Variants in PTPRD observed in about 807,000 individuals in gnomAD.
The protein encoded by PTPRD is protein tyrosine phosphatase receptor type D, also known as receptor-type tyrosine-protein phosphatase delta.
A neutral mutation model predicts 214.5 loss-of-function variants in PTPRD; 34 were observed. The observed-to-expected ratio is 0.16, with a 90% CI of 0.12 to 0.21. PTPRD has a LOEUF of 0.21. Among genes scored for constraint, PTPRD ranks in the 10% least tolerant of loss-of-function variants. PTPRD has a pLI of 1.00. For missense variants in PTPRD, 2,545 were observed against 2,398.7 expected (o/e 1.06, Z -1.27); for synonymous variants, 1,128 against 845.7 (o/e 1.33, Z -5.79).
chr9:9,055,636 G>C (rs1365768701), intron 10 of PTPRD, among the ~76,000 whole-genome samples: 1 of 151,914 alleles, frequency 6.6e-6, no homozygotes, highest in Non-Finnish European at 1.5e-5. Flanking sequence ...AGTAAAAGTT[G>C]AGTATATATT....
intron 10 of PTPRD, among the ~76,000 whole-genome samples, chr9:9,098,638 G>T (rs1412518504): frequency 6.6e-6 from 1 of 152,132 alleles, no homozygotes; most frequent in African/African-American, 2.4e-5. Flanking sequence ...ACGATGAAAA[G>T]AATAATCATT....
intron 2 of PTPRD, among the ~76,000 whole-genome samples, chr9:10,555,690 A>G (rs2062403400): frequency 1.3e-5 from 2 of 152,202 alleles, no homozygotes; most frequent in South Asian, 4.1e-4. Flanking sequence ...ATATGCCCTG[A>G]AATTTGGAAT....
At chr9:10,403,997 C>T (rs1415515816) in intron 2 of PTPRD, among the ~76,000 whole-genome samples, 1 of 151,632 alleles carries the variant, frequency 6.6e-6, no homozygotes, top group Non-Finnish European at 1.5e-5. Flanking sequence ...AAACCATGGA[C>T]TTTGGGTGAT....
chr9:8,666,990 G>A (rs1323974149), intron 12 of PTPRD, among the ~76,000 whole-genome samples: 18 of 152,126 alleles, frequency 1.2e-4, no homozygotes, highest in Admixed American at 1.1e-3. Context: ...CTATAACAAT[G>A]TTATTTAATA....
chr9:9,059,789 A>G (rs1231179477), intron 10 of PTPRD, among the ~76,000 whole-genome samples: 2 of 152,106 alleles, frequency 1.3e-5, no homozygotes, highest in African/African-American at 4.8e-5. Flanking sequence ...ATATTAGAAA[A>G]TGAAATAGCA....
intron 3 of PTPRD, among the ~76,000 whole-genome samples, chr9:10,100,694 G>A (rs556865329): frequency 7.9e-5 from 12 of 151,530 alleles, no homozygotes; most frequent in Non-Finnish European, 1.3e-4. Flanking sequence ...GTTACAGATT[G>A]GGAAGTAAGA....
intron 11 of PTPRD, among the ~76,000 whole-genome samples, chr9:8,967,271 A>G (rs764878050): frequency 5.3e-5 from 8 of 152,174 alleles, no homozygotes; most frequent in Non-Finnish European, 1.0e-4. Context: ...CAGAATTGCT[A>G]TATGACTCAG....
chr9:9,832,673 G>C (rs1280923558), intron 5 of PTPRD, among the ~76,000 whole-genome samples: 1 of 151,922 alleles, frequency 6.6e-6, no homozygotes, highest in Admixed American at 6.6e-5. Flanking sequence ...TTTAAAAAGA[G>C]TTTTTAAAAT....
At chr9:10,560,414 G>T (rs959516016) in intron 2 of PTPRD, among the ~76,000 whole-genome samples, 4 of 151,944 alleles carry the variant, frequency 2.6e-5, no homozygotes, top group African/African-American at 9.7e-5. Context: ...GTTGTGGGGT[G>T]GGGGGAGTGG....
At chr9:9,760,599 TACAC>T (rs146209140) in intron 6 of PTPRD, among the ~76,000 whole-genome samples, 7,344 of 107,340 alleles carry the variant, frequency 0.068, 195 homozygotes, top group African/African-American at 0.079. Flanking sequence ...TCAGCTATCA[TACAC>T]ACACACACAC....
chr9:9,334,829 G>A (rs2043791497), intron 9 of PTPRD, among the ~76,000 whole-genome samples: 1 of 151,684 alleles, frequency 6.6e-6, no homozygotes, highest in African/African-American at 2.4e-5. Flanking sequence ...GATCTTCCAA[G>A]GTACCATTAA....
intron 11 of PTPRD, among the ~76,000 whole-genome samples, chr9:9,016,990 G>A (rs548773636): frequency 1.1e-4 from 16 of 152,118 alleles, no homozygotes; most frequent in Non-Finnish European, 2.1e-4. Context: ...CCCCCACAGA[G>A]CTCTACTCTA....
At chr9:9,253,110 G>GTCC (rs1466365151) in intron 9 of PTPRD, among the ~76,000 whole-genome samples, 30 of 152,174 alleles carry the variant, frequency 2.0e-4, no homozygotes, top group Non-Finnish European at 3.7e-4. Flanking sequence ...ATTCAAGAGT[G>GTCC]TCCAGCAGCA....
At chr9:10,043,860 T>C (rs754949101) in intron 3 of PTPRD, among the ~76,000 whole-genome samples, 3 of 151,858 alleles carry the variant, frequency 2.0e-5, no homozygotes, top group Non-Finnish European at 4.4e-5. Flanking sequence ...TTAGTGAGTA[T>C]ACAAAATGAC....
intron 3 of PTPRD, among the ~76,000 whole-genome samples, chr9:10,323,497 G>T (rs1246065350): frequency 6.6e-6 from 1 of 151,144 alleles, no homozygotes. Flanking sequence ...TTAGAGACAA[G>T]GTCTCACTGT....
At chr9:10,476,602 T>A (rs2099064057) in intron 2 of PTPRD, among the ~76,000 whole-genome samples, 1 of 152,268 alleles carries the variant, frequency 6.6e-6, no homozygotes, top group Non-Finnish European at 1.5e-5. Context: ...CCCATCAAGC[T>A]ACCATTGACC....
At chr9:9,294,686 T>C (rs1952399829) in intron 9 of PTPRD, among the ~76,000 whole-genome samples, 1 of 151,586 alleles carries the variant, frequency 6.6e-6, no homozygotes, top group Non-Finnish European at 1.5e-5. Flanking sequence ...GGCCTTAGAA[T>C]GAAACTTACC....
Position 10,347,753 on chromosome 9 carries a change from T to G in PTPRD, c.-599-6736A>C, listed in dbSNP as rs1201378248. On this transcript the variant is annotated intron_variant, in intron 2 of 45. Transcript: ENST00000381196. ...TGGAAACATTCTAATTATTATTTGC[T>G]AGCTATTTTGAAATGTACAATAGGC... Among the ~76,000 whole-genome samples the G allele has an allele frequency of 2.0e-5, 3 of 151,938 alleles. No homozygotes were observed. The East Asian group carries it at 5.9e-4, about 30-fold the overall frequency.
chr9:10,174,277 C>A (rs1005510776), intron 3 of PTPRD, among the ~76,000 whole-genome samples: 3 of 152,126 alleles, frequency 2.0e-5, no homozygotes, highest in Non-Finnish European at 2.9e-5. Context: ...TTCCTTGGAA[C>A]TGAGTGAGTT....
Sources: allele counts gnomAD v4.1 joint callset (sites outside exome capture counted in the v4.1 genomes callset), GRCh38; gene constraint gnomAD v4.1.1; transcripts MANE v1.5; gene names NCBI Gene and HGNC (gene_info 2026-07-23, HGNC 2026-07-21).